ANK1: variants seen among roughly 807,000 people sequenced by gnomAD.
ANK1 encodes the protein ankyrin 1.
ANK1 carries 51 observed loss-of-function variants against 210.4 expected under a neutral mutation model. The observed-to-expected ratio is 0.24, with a 90% CI of 0.19 to 0.31. ANK1 has a LOEUF of 0.31. ANK1 is among the 10% of genes least tolerant of loss of function. The pLI is 1.00. For missense variants in ANK1, 2,051 were observed against 2,504.4 expected, an observed-to-expected ratio of 0.82 and a Z score of 3.86; for synonymous variants, 967 against 1,025.9, an observed-to-expected ratio of 0.94 and a Z score of 1.10.
In ANK1 at chr8:41,672,987, C is replaced by T. The variant is rs1812923033; in HGVS notation, c.4538-75G>A. On this transcript the variant is annotated intron_variant, in intron 37 of 42. Transcript: ENST00000289734. Reference sequence around the variant, plus strand: ...ACCCATTCACGTGCAGGTCCACGCACACGCACGAACACACACATGCGGGTG... The same window carrying T: ...ACCCATTCACGTGCAGGTCCACGCATACGCACGAACACACACATGCGGGTG... 4 of 1,386,852 alleles carry T rather than the reference C, an allele frequency of 2.9e-6. No individual in the cohort carries two copies. The African/African-American group carries it at 4.3e-5, about 15-fold the overall frequency. The allele number at this position is 1,386,852 out of a possible 1,614,324, so 85.9% of individuals were successfully genotyped here. A position where few individuals can be genotyped will look rare whatever the true frequency, so the allele number is the denominator to read the frequency against.
intron 24 of ANK1, chr8:41,697,726 C>T (rs373519876): frequency 6.9e-6 from 3 of 436,130 alleles, no homozygotes; most frequent in East Asian, 4.9e-5. Flanking sequence ...GGAGTTCCTA[C>T]CCTAGGCCAA....
chr8:41,687,177 C>G (rs534637392), intron 35 of ANK1, among the ~76,000 whole-genome samples: 2 of 152,268 alleles, frequency 1.3e-5, no homozygotes, highest in Admixed American at 1.3e-4. Flanking sequence ...CATATAAAAG[C>G]TAACAAAAAA....
intron 17 of ANK1, among the ~76,000 whole-genome samples, chr8:41,708,310 T>C (rs1239407149): frequency 6.6e-6 from 1 of 152,170 alleles, no homozygotes; most frequent in Non-Finnish European, 1.5e-5. Flanking sequence ...CCCAGATGTG[T>C]GCGCAATTTT....
intron 27 of ANK1, 85 bp downstream of exon 27, chr8:41,695,092 T>C: frequency 6.4e-7 from 1 of 1,566,830 alleles, no homozygotes; most frequent in Non-Finnish European, 8.8e-7. Context: ...AAACTTCAGG[T>C]GGCCCTCAAA....
At chr8:41,834,936 C>T (rs920711187) in intron 1 of ANK1, among the ~76,000 whole-genome samples, 4 of 152,228 alleles carry the variant, frequency 2.6e-5, no homozygotes, top group African/African-American at 7.2e-5. Context: ...GGATCATCCC[C>T]GCTGCCCGGG....
chr8:41,684,479 A>AT (rs1272931091), intron 37 of ANK1, 65 bp downstream of exon 37: 3 of 1,600,406 alleles, frequency 1.9e-6, no homozygotes, highest in Non-Finnish European at 2.6e-6. Context: ...GGAAGGGGTT[A>AT]TTGGTGCTGA....
intron 2 of ANK1, among the ~76,000 whole-genome samples, chr8:41,743,809 C>CATAT (rs72065624): frequency 5.3e-5 from 8 of 151,204 alleles, no homozygotes; most frequent in African/African-American, 1.7e-4. Flanking sequence ...ATTGATTCTT[C>CATAT]ATATATATAT....
intron 3 of ANK1, among the ~76,000 whole-genome samples, chr8:41,728,265 C>T (rs985305943): frequency 2.6e-5 from 4 of 152,146 alleles, no homozygotes; most frequent in East Asian, 1.9e-4. Context: ...TCAGGTCTTC[C>T]GTAGCAACTC....
chr8:41,668,120 C>T (rs898890321), intron 39 of ANK1, 147 bp downstream of exon 39: 4 of 1,206,776 alleles, frequency 3.3e-6, no homozygotes, highest in Non-Finnish European at 4.7e-6. Context: ...CCCTTGACTT[C>T]TAGAGAAACG....
intron 1 of ANK1, among the ~76,000 whole-genome samples, chr8:41,804,816 A>T (rs1292298002): frequency 6.6e-6 from 1 of 152,152 alleles, no homozygotes; most frequent in Non-Finnish European, 1.5e-5. Context: ...ATTCCGGCAA[A>T]ACACGGTGAA....
intron 1 of ANK1, among the ~76,000 whole-genome samples, chr8:41,812,955 C>T (rs1802732687): frequency 2.0e-5 from 3 of 152,128 alleles, no homozygotes; most frequent in South Asian, 2.1e-4. Flanking sequence ...TAACAGGCCC[C>T]GGACAGGCTG....
chr8:41,668,477 A>G lies in ANK1; in HGVS notation c.5184T>C (p.Gly1728=), dbSNP rs751637866. The G allele has an allele frequency of 5.6e-6, 9 of 1,613,998 alleles. No individual in the cohort carries two copies. Among genetic ancestry groups the G allele is most frequent in the Non-Finnish European group, 7.6e-6 (9 of 1,180,000 alleles). ...TACTTGTTCCCTGGAATGAGTGTGGACCTTGCGTGACCTCCTCTTGCCAGG... is the reference window on the plus strand; with the variant it reads ...TACTTGTTCCCTGGAATGAGTGTGGGCCTTGCGTGACCTCCTCTTGCCAGG... The part of the protein sequence containing the change: ...QGSWQEEVTQ[G]PHSFQGTSTM... The change falls in exon 39 of 43, where the codon GGT becomes GGC. Residue 1728 remains glycine (G), a synonymous_variant. Transcript: ENST00000289734.
At chr8:41,797,679 C>G (rs1037516208), upstream of ANK1, 1 of 1,323,356 alleles carries the variant, frequency 7.6e-7, no homozygotes, top group Non-Finnish European at 9.9e-7. The surrounding 1 kb of genome is among the most constrained non-coding windows in gnomAD (Gnocchi z 4.0). Context: ...CCCAGAGGCG[C>G]TTGCTGTCGG....
intron 1 of ANK1, among the ~76,000 whole-genome samples, chr8:41,874,867 G>A (rs1816262825): frequency 6.6e-6 from 1 of 152,164 alleles, no homozygotes; most frequent in Non-Finnish European, 1.5e-5. Context: ...AATACCCAAG[G>A]TCATTTCCAC....
chr8:41,855,093 T>G (rs1184978340), intron 1 of ANK1, among the ~76,000 whole-genome samples: 2 of 152,202 alleles, frequency 1.3e-5, no homozygotes, highest in African/African-American at 4.8e-5. Flanking sequence ...GCTCAGAGAC[T>G]ATGTCTTATT....
chr8:41,761,937 C>A (rs1840571047), intron 1 of ANK1, among the ~76,000 whole-genome samples: 1 of 152,082 alleles, frequency 6.6e-6, no homozygotes, highest in Non-Finnish European at 1.5e-5. Context: ...GCCTCCCAGC[C>A]AACCTCCTCC....
intron 1 of ANK1, among the ~76,000 whole-genome samples, chr8:41,862,551 C>G (rs1463657141): frequency 6.6e-6 from 1 of 151,676 alleles, no homozygotes; most frequent in African/African-American, 2.4e-5. Flanking sequence ...TATTTTATAC[C>G]CAATTTTTGC....
At chr8:41,826,120 C>A (rs1318463736) in intron 1 of ANK1, among the ~76,000 whole-genome samples, 1 of 152,114 alleles carries the variant, frequency 6.6e-6, no homozygotes, top group East Asian at 1.9e-4. Context: ...GAAATGTATG[C>A]CCCTAGCATC....
intron 22 of ANK1, chr8:41,700,528 C>G: frequency 6.9e-7 from 1 of 1,449,100 alleles, no homozygotes; most frequent in Middle Eastern, 1.7e-4. Context: ...CATATATTAT[C>G]CAAAGGAGCA....
Sources: gnomAD v4.1 joint callset for allele counts (sites outside exome capture counted in the v4.1 genomes callset) on GRCh38, gnomAD v4.1.1 for gene constraint, Gnocchi (gnomAD v3.1) non-coding constraint, MANE v1.5 for transcripts, NCBI Gene and HGNC (gene_info 2026-07-23, HGNC 2026-07-21) for gene names.